Variants in CDCA7L observed in about 807,000 individuals in gnomAD.
CDCA7L encodes the protein cell division cycle-associated 7-like protein.
Under a neutral mutation model 57.4 loss-of-function variants are expected in CDCA7L, and 44 were observed. That is an observed-to-expected ratio of 0.77 (90% CI 0.60 to 0.98). The LOEUF is 0.98. Ranked by LOEUF, CDCA7L falls within the 50% of genes least tolerant of loss-of-function variation. The probability of loss-of-function intolerance (pLI) is 0.00; values close to 1 mark genes in which losing one functional copy is unlikely to be tolerated. For missense variants in CDCA7L, 644 were observed against 580.6 expected, an observed-to-expected ratio of 1.11 and a Z score of -1.12; for synonymous variants, 236 against 202.8, an observed-to-expected ratio of 1.16 and a Z score of -1.39.
chr7:21,904,409 G>T, intron 7 of CDCA7L, 150 bp from the exon 8 acceptor site: 1 of 850,398 alleles, frequency 1.2e-6, no homozygotes, highest in Non-Finnish European at 1.7e-6. Flanking sequence ...CCACAGCATT[G>T]TCTCTAGACC....
intron 1 of CDCA7L, among the ~76,000 whole-genome samples, chr7:21,942,951 C>G (rs1442183616): frequency 6.6e-6 from 1 of 152,202 alleles, no homozygotes. Flanking sequence ...ACAGCGTGCT[C>G]CTGCCTATTT....
In CDCA7L at chr7:21,906,273, A is replaced by T; in HGVS notation, c.921+16T>A. 1 of 1,574,780 alleles carries T rather than the reference A, an allele frequency of 6.4e-7. No individual in the cohort carries two copies. The highest frequency in any genetic ancestry group is 8.6e-7 in the Non-Finnish European group (1 of 1,159,568). On this transcript the variant is annotated intron_variant, in intron 6 of 9. Transcript: ENST00000406877. ...AGCTCAGACAAAAACTAATTCATGTATTAGTCAGAAAATACCCCAATTGTC... is the reference window on the plus strand; with the variant it reads ...AGCTCAGACAAAAACTAATTCATGTTTTAGTCAGAAAATACCCCAATTGTC...
At chr7:21,906,513 T>C in intron 5 of CDCA7L, 55 bp downstream of exon 5, 2 of 1,612,428 alleles carry the variant, frequency 1.2e-6, no homozygotes, top group Non-Finnish European at 1.7e-6. Flanking sequence ...AAAAGCCGTC[T>C]GGTGGCTGAT....
At chr7:21,902,433 TCTAAGAGTACA>T in intron 9 of CDCA7L, 81 bp from the exon 10 acceptor site, 1 of 1,363,852 alleles carries the variant, frequency 7.3e-7, no homozygotes, top group Admixed American at 1.7e-5. Context: ...TCCACAATCA[TCTAAGAGTACA>T]AAGCCAGAAC....
chr7:21,916,331 G>A (rs551372972), intron 2 of CDCA7L, among the ~76,000 whole-genome samples: 1 of 152,124 alleles, frequency 6.6e-6, no homozygotes, highest in South Asian at 2.1e-4. Flanking sequence ...AATTCCAAGA[G>A]GACATGCCAA....
intron 1 of CDCA7L, among the ~76,000 whole-genome samples, chr7:21,921,389 C>T (rs963413626): frequency 7.7e-5 from 11 of 142,118 alleles, no homozygotes; most frequent in African/African-American, 2.9e-4. Flanking sequence ...CTCAATGCAA[C>T]GAACTGATTT....
chr7:21,920,270 T>C (rs972919773), intron 1 of CDCA7L, among the ~76,000 whole-genome samples: 1 of 152,226 alleles, frequency 6.6e-6, no homozygotes, highest in Non-Finnish European at 1.5e-5. Flanking sequence ...ATCTCACACT[T>C]TGACCACTGC....
At chr7:21,936,560 A>G (rs777587446) in intron 1 of CDCA7L, among the ~76,000 whole-genome samples, 12 of 152,194 alleles carry the variant, frequency 7.9e-5, no homozygotes, top group Non-Finnish European at 1.5e-4. Flanking sequence ...AACAGAATAA[A>G]GGGGAAAAAC....
chr7:21,918,218 A>G (rs527404494), intron 1 of CDCA7L, among the ~76,000 whole-genome samples: 3 of 152,350 alleles, frequency 2.0e-5, no homozygotes, highest in African/African-American at 7.2e-5. Flanking sequence ...AAAAACTTTC[A>G]AAGATATTTC....
intron 2 of CDCA7L, among the ~76,000 whole-genome samples, chr7:21,915,724 G>A (rs1785464245): frequency 6.6e-6 from 1 of 151,958 alleles, no homozygotes. Context: ...CTACTCGGGA[G>A]GCTGAGGCTG....
rs182587734 is a variant in CDCA7L at position 21,916,984 on chromosome 7, A to G, written c.25-90T>C. The G allele has an allele frequency of 7.2e-4, 1,041 of 1,436,324 alleles. 6 individuals carry two copies. The African/African-American group carries it at 0.013, about 18-fold the overall frequency. 89.0% of individuals were successfully genotyped at this position (1,436,324 alleles called of 1,614,324 possible). A position where few individuals can be genotyped will look rare whatever the true frequency, so the allele number is the denominator to read the frequency against. On this transcript the variant is annotated intron_variant, in intron 1 of 9. Coordinates refer to ENST00000406877, the MANE Select transcript of CDCA7L (RefSeq NM_018719.5). ...TCTGGAGGGGAGGAGAGATCTCATC[A>G]CTTCATCCAACTGCCACGGTTGCCC...
chr7:21,914,530 G>A (rs1028767904), intron 2 of CDCA7L, among the ~76,000 whole-genome samples: 4 of 152,198 alleles, frequency 2.6e-5, no homozygotes, highest in African/African-American at 9.7e-5. Context: ...TAGAAAAATG[G>A]TGAGAGCACA....
chr7:21,936,940 G>C (rs1227707552), intron 1 of CDCA7L, among the ~76,000 whole-genome samples: 1 of 152,170 alleles, frequency 6.6e-6, no homozygotes, highest in Non-Finnish European at 1.5e-5. Flanking sequence ...AAAGTAGTTA[G>C]AGCTAACAAT....
intron 1 of CDCA7L, among the ~76,000 whole-genome samples, chr7:21,930,752 C>T (rs1315995190): frequency 7.5e-6 from 1 of 133,792 alleles, no homozygotes. Flanking sequence ...CCATCAAATT[C>T]AAAAGCTAGC....
chr7:21,914,136 T>G (rs1050950746), intron 2 of CDCA7L, among the ~76,000 whole-genome samples: 1 of 152,136 alleles, frequency 6.6e-6, no homozygotes, highest in Non-Finnish European at 1.5e-5. Flanking sequence ...CCATGTGACA[T>G]GGAAGAAACA....
chr7:21,922,469 C>CAGAG (rs542434812), intron 1 of CDCA7L, among the ~76,000 whole-genome samples: 131 of 152,264 alleles, frequency 8.6e-4, no homozygotes, highest in African/African-American at 3.1e-3. Flanking sequence ...GTCTGACCTC[C>CAGAG]AACATTCCCA....
chr7:21,945,604 A>T (rs1195013983), intron 1 of CDCA7L, among the ~76,000 whole-genome samples, 177 bp downstream of exon 1: 1 of 151,912 alleles, frequency 6.6e-6, no homozygotes, highest in African/African-American at 2.4e-5. Flanking sequence ...CACAAACGTG[A>T]CCCACTGCGC....
At position 21,902,067 on chromosome 7, in the gene CDCA7L, T is replaced by TAA; in HGVS notation, c.*253_*254dup. On this transcript the variant is annotated 3_prime_UTR_variant, in exon 10 of 10. Coordinates refer to ENST00000406877, the MANE Select transcript of CDCA7L (RefSeq NM_018719.5). ...ACCCCATTTAAACTGTGCTTTTTAA[T>TAA]AACTGGCAGATATTTTTAACAAAGT... 2.0e-6 allele frequency: 1 copy of TAA among 495,456 alleles called. No homozygotes were observed. Among genetic ancestry groups the TAA allele is most frequent in the Non-Finnish European group, 3.6e-6 (1 of 275,790 alleles). 30.7% of individuals were successfully genotyped at this position (495,456 alleles called of 1,614,324 possible). A position where few individuals can be genotyped will look rare whatever the true frequency, so the allele number is the denominator to read the frequency against.
chr7:21,908,442 T>C lies in CDCA7L; in HGVS notation c.369A>G (p.Glu123=). ...TTCTAGGGGTAGCCTTATCTTCTTC[T>C]TCATCTTCCTCTTCCTCGCTCACCA... is the stretch of plus-strand genomic sequence containing the variant. ...ASLVSEEEED[E]EEDKATPRRS... Residue 123 remains glutamate (E), a synonymous_variant, in exon 4 of 10, where the codon GAA becomes GAG. Transcript: ENST00000406877. 1.3e-6 allele frequency: 2 copies of C among 1,573,322 alleles called. No homozygotes were observed. The highest frequency in any genetic ancestry group is 1.7e-6 in the Non-Finnish European group (2 of 1,166,390).
Sources: gnomAD v4.1 joint callset for allele counts (sites outside exome capture counted in the v4.1 genomes callset) on GRCh38, gnomAD v4.1.1 for gene constraint, MANE v1.5 for transcripts, NCBI Gene and HGNC (gene_info 2026-07-23, HGNC 2026-07-21) for gene names.